Variants in CPA6 observed in about 807,000 individuals in gnomAD.
The protein encoded by CPA6 is carboxypeptidase B.
A neutral mutation model predicts 63.3 loss-of-function variants in CPA6; 58 were observed. That is an observed-to-expected ratio of 0.92 (90% CI 0.74 to 1.14). The LOEUF is 1.14. Ranked by LOEUF, CPA6 falls within the 50% of genes most tolerant of loss-of-function variation. The probability of loss-of-function intolerance (pLI) is 0.00; values close to 1 mark genes in which losing one functional copy is unlikely to be tolerated. For synonymous variants in CPA6, 185 were observed against 179.0 expected (o/e 1.03, Z -0.27); for missense variants, 565 against 526.6 (o/e 1.07, Z -0.71).
intron 6 of CPA6, among the ~76,000 whole-genome samples, chr8:67,493,335 G>T (rs1423729196): frequency 6.6e-6 from 1 of 152,110 alleles, no homozygotes; most frequent in Non-Finnish European, 1.5e-5. Flanking sequence ...TGAAAGAAAT[G>T]ATTATCTAAA....
At chr8:67,649,552 C>T (rs1002811351) in intron 1 of CPA6, among the ~76,000 whole-genome samples, 1 of 151,990 alleles carries the variant, frequency 6.6e-6, no homozygotes, top group African/African-American at 2.4e-5. Context: ...TTGATTCTTT[C>T]TATTTTTAAG....
intron 2 of CPA6, among the ~76,000 whole-genome samples, chr8:67,613,117 T>C (rs532992827): frequency 1.3e-5 from 2 of 152,190 alleles, no homozygotes; most frequent in Non-Finnish European, 2.9e-5. Flanking sequence ...ACTTCCTCCA[T>C]AAAACTTCGT....
chr8:67,542,296 T>G (rs1180621278), intron 2 of CPA6, among the ~76,000 whole-genome samples: 1 of 152,220 alleles, frequency 6.6e-6, no homozygotes, highest in African/African-American at 2.4e-5. Context: ...CATCAAATTT[T>G]ACAACAGTTT....
chr8:67,550,476 C>A (rs1812916292), intron 2 of CPA6, among the ~76,000 whole-genome samples: 1 of 152,158 alleles, frequency 6.6e-6, no homozygotes, highest in African/African-American at 2.4e-5. Flanking sequence ...CATGACTTTG[C>A]TATTGTGAAT....
At chr8:67,504,528 T>C (rs1035216535) in intron 6 of CPA6, among the ~76,000 whole-genome samples, 6 of 152,166 alleles carry the variant, frequency 3.9e-5, no homozygotes, top group African/African-American at 1.2e-4. Flanking sequence ...GGTGCCACGT[T>C]TTCAGCTGGC....
intron 1 of CPA6, among the ~76,000 whole-genome samples, chr8:67,683,286 T>C (rs915944275): frequency 6.6e-6 from 1 of 152,252 alleles, no homozygotes; most frequent in Admixed American, 6.5e-5. Context: ...GAAGTTGCCA[T>C]AACTGTTTAA....
intron 1 of CPA6, among the ~76,000 whole-genome samples, chr8:67,731,744 T>G (rs1817708732): frequency 6.6e-6 from 1 of 152,222 alleles, no homozygotes; most frequent in Admixed American, 6.5e-5. Context: ...AACTTTCTTC[T>G]TATTGAATCA....
intron 1 of CPA6, among the ~76,000 whole-genome samples, chr8:67,696,804 T>C (rs1816920920): frequency 6.6e-6 from 1 of 152,102 alleles, no homozygotes; most frequent in Admixed American, 6.6e-5. Context: ...AAACCTGTTG[T>C]TAGAAAGATT....
chr8:67,477,735 T>G (rs1277695173), intron 8 of CPA6, among the ~76,000 whole-genome samples: 1 of 152,188 alleles, frequency 6.6e-6, no homozygotes, highest in Non-Finnish European at 1.5e-5. Flanking sequence ...GGATCAGAGC[T>G]TGTCTATTAA....
At chr8:67,495,500 GT>G (rs565638329) in intron 6 of CPA6, among the ~76,000 whole-genome samples, 9 of 152,004 alleles carry the variant, frequency 5.9e-5, no homozygotes, top group Admixed American at 1.3e-4. Flanking sequence ...TTTTTTATAT[GT>G]TTTTTTCACT....
intron 2 of CPA6, among the ~76,000 whole-genome samples, chr8:67,524,175 C>A (rs1371516547): frequency 1.3e-5 from 2 of 152,150 alleles, no homozygotes; most frequent in Non-Finnish European, 2.9e-5. Context: ...GCTATGGATT[C>A]TTGGAGAGCT....
chr8:67,521,780 A>G (rs1223954746), intron 2 of CPA6, among the ~76,000 whole-genome samples: 1 of 152,220 alleles, frequency 6.6e-6, no homozygotes, highest in Non-Finnish European at 1.5e-5. Flanking sequence ...TTCCTAGCAC[A>G]AAGTCAAATG....
chr8:67,560,503 C>A lies in CPA6; in HGVS notation c.193-42456G>T, dbSNP rs151095225. Among the ~76,000 whole-genome samples the A allele has an allele frequency of 7.9e-3, 1,208 of 152,182 alleles. 17 individuals are homozygous for A. Among genetic ancestry groups the A allele is most frequent in the South Asian group, 0.046 (222 of 4,826 alleles). Reference sequence around the variant, plus strand: ...GCACTGGTTCCCGTGATAGGGAAAACCTTTGTATAATGCAATAAACTGTGT... The same window carrying A: ...GCACTGGTTCCCGTGATAGGGAAAAACTTTGTATAATGCAATAAACTGTGT... On this transcript the variant is annotated intron_variant, in intron 2 of 10. Transcript: ENST00000297770.
intron 1 of CPA6, among the ~76,000 whole-genome samples, chr8:67,714,152 CCAAA>C (rs1817330281): frequency 6.6e-6 from 1 of 151,868 alleles, no homozygotes; most frequent in African/African-American, 2.4e-5. Flanking sequence ...TTTATTATAC[CCAAA>C]CAAATATATT....
At chr8:67,651,937 C>T (rs1292400425) in intron 1 of CPA6, among the ~76,000 whole-genome samples, 1 of 151,970 alleles carries the variant, frequency 6.6e-6, no homozygotes, top group Non-Finnish European at 1.5e-5. Context: ...GTTCCCCTAC[C>T]TGTGTCCATG....
intron 8 of CPA6, among the ~76,000 whole-genome samples, chr8:67,474,666 A>G (rs191942655): frequency 2.1e-3 from 323 of 152,288 alleles, no homozygotes; most frequent in African/African-American, 7.4e-3. Flanking sequence ...CAACAAAATC[A>G]GAAACATAAT....
intron 2 of CPA6, among the ~76,000 whole-genome samples, chr8:67,572,992 G>C (rs1309416704): frequency 6.6e-6 from 1 of 152,100 alleles, no homozygotes; most frequent in African/African-American, 2.4e-5. Context: ...CAATAAATGA[G>C]AGACACCATA....
chr8:67,719,743 C>T (rs151297861), intron 1 of CPA6, among the ~76,000 whole-genome samples: 37 of 151,764 alleles, frequency 2.4e-4, no homozygotes, highest in African/African-American at 7.7e-4. Context: ...GTGACAGGAG[C>T]GACAAGACTT....
chr8:67,681,730 A>T (rs1022056521), intron 1 of CPA6, among the ~76,000 whole-genome samples: 3 of 152,172 alleles, frequency 2.0e-5, no homozygotes, highest in Admixed American at 1.3e-4. Context: ...GTGTGTTTCC[A>T]TTCCTGAATT....
Sources: gnomAD v4.1 joint callset for allele counts (sites outside exome capture counted in the v4.1 genomes callset) on GRCh38, gnomAD v4.1.1 for gene constraint, MANE v1.5 for transcripts, NCBI Gene and HGNC (gene_info 2026-07-23, HGNC 2026-07-21) for gene names.